DIS3L2: variants seen among roughly 807,000 people sequenced by gnomAD.
DIS3L2 encodes the protein DIS3 like 3'-5' exoribonuclease 2, also known as DIS3-like exonuclease 2.
DIS3L2 carries 34 observed loss-of-function variants against 97.5 expected under a neutral mutation model. The observed-to-expected ratio is 0.35, with a 90% CI of 0.27 to 0.46. The LOEUF is 0.46. Among genes scored for constraint, DIS3L2 ranks in the 20% least tolerant of loss-of-function variants. The pLI, the probability that DIS3L2 is intolerant of heterozygous loss-of-function variation, is 1.00. For synonymous variants in DIS3L2, 435 were observed against 445.2 expected, an observed-to-expected ratio of 0.98 and a Z score of 0.29; for missense variants, 1,038 against 1,146.0, an observed-to-expected ratio of 0.91 and a Z score of 1.36.
In DIS3L2 at chr2:231,985,719, T is replaced by G. The variant is rs183552538; in HGVS notation, c.-94+23954T>G. On this transcript the variant is annotated intron_variant, in intron 1 of 20. Transcript: ENST00000325385. ...TTTTCCTTAACTGCTTGAGAGTAAA[T>G]TTGACTACATCCTTACTCCCACATA... Among the ~76,000 whole-genome samples the G allele has an allele frequency of 3.5e-3, 530 of 152,346 alleles. 5 individuals are homozygous for G. The highest frequency in any genetic ancestry group is 0.012 in the African/African-American group (516 of 41,580).
intron 5 of DIS3L2, among the ~76,000 whole-genome samples, chr2:232,076,995 T>A (rs1696209051): frequency 6.6e-6 from 1 of 152,224 alleles, no homozygotes; most frequent in South Asian, 2.1e-4. Context: ...GACATCATGC[T>A]ATACCCAGCC....
rs1694311279 is a variant in DIS3L2 at position 232,014,925 on chromosome 2, A to G, written c.-3A>G. 14 of 1,614,022 alleles carry G rather than the reference A, an allele frequency of 8.7e-6. No homozygotes were observed. The highest frequency in any genetic ancestry group is 1.3e-5 in the African/African-American group (1 of 75,062). On this transcript the variant is annotated 5_prime_UTR_variant, in exon 2 of 21. Coordinates refer to ENST00000325385, the MANE Select transcript of DIS3L2 (RefSeq NM_152383.5). ...GGAGAGAAGAGTGACCTTGGAGCCA[A>G]TAATGAGCCATCCTGACTACAGAAT... is the stretch of plus-strand genomic sequence containing the variant.
chr2:232,229,092 C>T (rs762660774), intron 10 of DIS3L2, among the ~76,000 whole-genome samples: 4 of 152,130 alleles, frequency 2.6e-5, no homozygotes, highest in East Asian at 3.8e-4. Flanking sequence ...TCTATTGGCT[C>T]GTTGTTGTTT....
At chr2:232,137,496 T>C (rs568402846) in intron 8 of DIS3L2, among the ~76,000 whole-genome samples, 17 of 152,326 alleles carry the variant, frequency 1.1e-4, no homozygotes, top group African/African-American at 4.1e-4. Flanking sequence ...AAGAGCCTGT[T>C]GATTTACTTT....
intron 6 of DIS3L2, among the ~76,000 whole-genome samples, chr2:232,096,711 C>G (rs1400617552): frequency 6.7e-6 from 1 of 149,932 alleles, no homozygotes; most frequent in Non-Finnish European, 1.5e-5. Flanking sequence ...TTAAAAGACT[C>G]TGATGTGTTC....
Position 231,969,467 on chromosome 2 carries a change from C to T in DIS3L2, c.-94+7702C>T, listed in dbSNP as rs143783471. Among the ~76,000 whole-genome samples the T allele has an allele frequency of 6.1e-3, 930 of 152,042 alleles. 5 individuals carry two copies. The highest frequency in any genetic ancestry group is 0.011 in the Non-Finnish European group (715 of 67,986). ...CTGGGATTACAGGTGTGTGCCACCACGCCCGGCTAATTTTTGTATTTTCAG... is the reference window on the plus strand; with the variant it reads ...CTGGGATTACAGGTGTGTGCCACCATGCCCGGCTAATTTTTGTATTTTCAG... On this transcript the variant is annotated intron_variant, in intron 1 of 20. Transcript: ENST00000325385.
At chr2:231,974,445 A>AT (rs554471283) in intron 1 of DIS3L2, among the ~76,000 whole-genome samples, 29 of 144,308 alleles carry the variant, frequency 2.0e-4, no homozygotes, top group Non-Finnish European at 4.0e-4. Context: ...GAAGTTCCTA[A>AT]TTTTTTTTTT....
At chr2:232,132,048 G>A (rs1180938164) in intron 7 of DIS3L2, among the ~76,000 whole-genome samples, 1 of 151,410 alleles carries the variant, frequency 6.6e-6, no homozygotes. Context: ...AAAACATTTG[G>A]TAACACTGGG....
intron 14 of DIS3L2, among the ~76,000 whole-genome samples, chr2:232,301,641 A>G (rs1182455466): frequency 1.3e-5 from 2 of 152,316 alleles, no homozygotes; most frequent in Non-Finnish European, 2.9e-5. Context: ...AATTAATCAT[A>G]GGAAGGATTG....
At chr2:231,995,117 T>C (rs1372816316) in intron 1 of DIS3L2, among the ~76,000 whole-genome samples, 2 of 152,236 alleles carry the variant, frequency 1.3e-5, no homozygotes, top group Non-Finnish European at 2.9e-5. Context: ...TTTAAAAATA[T>C]TCTGTAGTTG....
intron 9 of DIS3L2, among the ~76,000 whole-genome samples, chr2:232,190,598 G>GAGGA (rs200286068): frequency 8.6e-5 from 13 of 151,974 alleles, no homozygotes; most frequent in East Asian, 5.8e-4. Context: ...GAGAGGAAGA[G>GAGGA]AGGAAGGAAG....
chr2:232,305,778 A>T (rs182378578), intron 14 of DIS3L2, among the ~76,000 whole-genome samples: 2 of 152,190 alleles, frequency 1.3e-5, no homozygotes, highest in Non-Finnish European at 2.9e-5. Context: ...AACATGGTGA[A>T]ACCCTGTATC....
intron 8 of DIS3L2, among the ~76,000 whole-genome samples, chr2:232,159,345 C>T (rs967655507): frequency 3.3e-5 from 5 of 152,238 alleles, no homozygotes; most frequent in African/African-American, 7.2e-5. Context: ...GCTGCTATCA[C>T]GAGAAGCCAT....
chr2:232,017,756 T>G (rs1260751324), intron 3 of DIS3L2, among the ~76,000 whole-genome samples: 2 of 152,234 alleles, frequency 1.3e-5, no homozygotes, highest in African/African-American at 4.8e-5. Context: ...TCCTGCTGCC[T>G]TGATGTAATG....
chr2:232,290,356 C>G (rs1275198205), intron 13 of DIS3L2, among the ~76,000 whole-genome samples: 1 of 152,226 alleles, frequency 6.6e-6, no homozygotes, highest in Admixed American at 6.5e-5. Flanking sequence ...AAAGGTGCTC[C>G]TGTTCTGCTA....
At chr2:231,985,759 A>G (rs1233413274) in intron 1 of DIS3L2, among the ~76,000 whole-genome samples, 1 of 152,214 alleles carries the variant, frequency 6.6e-6, no homozygotes, top group African/African-American at 2.4e-5. Flanking sequence ...TGTATTTCCA[A>G]GAATTAAGGA....
chr2:232,293,099 G>A lies in DIS3L2; in HGVS notation c.1660-6941G>A, dbSNP rs1021514088. 1.3e-5 allele frequency among the ~76,000 whole-genome samples: 2 copies of A among 152,086 alleles called. No homozygotes were observed. The highest frequency in any genetic ancestry group is 2.4e-5 in the African/African-American group (1 of 41,402). ...TGCAGGTGGTGATTAGGGCCAGAGC[G>A]CTGCTGCTGCCTGGTTCCTTGCCGT... On this transcript the variant is annotated intron_variant, in intron 13 of 20. Coordinates refer to ENST00000325385, the MANE Select transcript of DIS3L2 (RefSeq NM_152383.5). This position sits in a 1 kb window ranked among gnomAD's most constrained non-coding sequence, Gnocchi z 4.6.
chr2:232,191,342 G>C (rs946742099), intron 9 of DIS3L2, among the ~76,000 whole-genome samples: 8 of 152,160 alleles, frequency 5.3e-5, no homozygotes, highest in African/African-American at 1.9e-4. Context: ...CATCTTTCGA[G>C]GGTGGATTTA....
Position 232,188,815 on chromosome 2 carries a change from G to A in DIS3L2, c.1125-21511G>A, listed in dbSNP as rs188565404. Among the ~76,000 whole-genome samples the A allele has an allele frequency of 2.6e-3, 390 of 152,224 alleles. 2 individuals are homozygous for A. The highest frequency in any genetic ancestry group is 8.8e-3 in the African/African-American group (367 of 41,552). ...GCTGCAGAAAATTCTTTCTGCAGCT[G>A]GGAGAAAATATTTGTAAACCACATA... On this transcript the variant is annotated intron_variant, in intron 9 of 20. Transcript: ENST00000325385.
Sources: allele counts gnomAD v4.1 joint callset (sites outside exome capture counted in the v4.1 genomes callset), GRCh38; gene constraint gnomAD v4.1.1; non-coding constraint Gnocchi (gnomAD v3.1); transcripts MANE v1.5; gene names NCBI Gene and HGNC (gene_info 2026-07-23, HGNC 2026-07-21).